The following SNTB1 variants were observed in gnomAD, a reference collection of about 807,000 sequenced individuals.
The protein encoded by SNTB1 is beta-1-syntrophin.
In SNTB1, 36 loss-of-function variants were observed where a neutral mutation model predicts 48.9. That is an observed-to-expected ratio of 0.74 (90% CI 0.56 to 0.97). The LOEUF (loss-of-function observed/expected upper bound fraction) is 0.97, where lower values mean the gene tolerates loss of function less well. Among genes scored for constraint, SNTB1 ranks in the 50% least tolerant of loss-of-function variants. The probability of loss-of-function intolerance (pLI) is 0.00; values close to 1 mark genes in which losing one functional copy is unlikely to be tolerated. For missense variants in SNTB1, 786 were observed against 703.4 expected (o/e 1.12, Z -1.33); for synonymous variants, 299 against 294.6 (o/e 1.01, Z -0.15).
At chr8:120,810,337 C>A (rs932345658) in intron 1 of SNTB1, among the ~76,000 whole-genome samples, 6 of 152,158 alleles carry the variant, frequency 3.9e-5, no homozygotes, top group Admixed American at 1.3e-4. Flanking sequence ...CTACCATATG[C>A]CCTTCTCCCC....
intron 4 of SNTB1, among the ~76,000 whole-genome samples, chr8:120,572,772 G>A (rs1342220038): frequency 3.0e-5 from 4 of 134,794 alleles, no homozygotes; most frequent in East Asian, 2.2e-4. Context: ...AAAATTAGCC[G>A]GGCGTGGTGG....
chr8:120,637,490 A>G (rs1160531445), intron 2 of SNTB1: 3 of 190,426 alleles, frequency 1.6e-5, no homozygotes, highest in Non-Finnish European at 3.3e-5. Flanking sequence ...CTCAAACATT[A>G]TCAGTTAGTC....
chr8:120,779,202 C>G (rs1032746780), intron 1 of SNTB1, among the ~76,000 whole-genome samples: 1 of 152,166 alleles, frequency 6.6e-6, no homozygotes, highest in African/African-American at 2.4e-5. Context: ...TAAAATAGCT[C>G]TGGCCAAAAA....
rs867481513 is a variant in SNTB1 at position 120,645,112 on chromosome 8, T to C, written c.789-12461A>G. The stretch of plus-strand genomic sequence containing the variant: ...CGAAAATTTTCTCCCATTTTGTAGG[T>C]TGCCTGTTCACTCTGATGGTAGTTT... On this transcript the variant is annotated intron_variant, in intron 2 of 6. Transcript: ENST00000517992. Among the ~76,000 whole-genome samples, 885 of 150,810 alleles carry C rather than the reference T, an allele frequency of 5.9e-3. 4 individuals are homozygous for C. The highest frequency in any genetic ancestry group is 9.8e-3 in the Non-Finnish European group (662 of 67,300).
chr8:120,634,352 A>G (rs373989615), intron 2 of SNTB1, among the ~76,000 whole-genome samples: 3 of 152,190 alleles, frequency 2.0e-5, no homozygotes, highest in Admixed American at 6.5e-5. Flanking sequence ...ATCATTTTAT[A>G]GTATTACATA....
intron 1 of SNTB1, among the ~76,000 whole-genome samples, chr8:120,783,599 T>C (rs1009782267): frequency 2.6e-5 from 4 of 152,200 alleles, no homozygotes; most frequent in Non-Finnish European, 5.9e-5. Flanking sequence ...GAGTCCTGGC[T>C]TTCCCCTGAA....
At chr8:120,708,617 C>A (rs1020482519) in intron 1 of SNTB1, among the ~76,000 whole-genome samples, 15 of 152,004 alleles carry the variant, frequency 9.9e-5, no homozygotes, top group South Asian at 2.1e-4. Flanking sequence ...TACAGCATGA[C>A]CAAGTTTGGA....
intron 3 of SNTB1, among the ~76,000 whole-genome samples, chr8:120,619,225 C>G (rs1398987969): frequency 6.6e-6 from 1 of 151,652 alleles, no homozygotes; most frequent in East Asian, 1.9e-4. Context: ...GAAAGGTGTT[C>G]TTATAATTTA....
chr8:120,599,479 C>G (rs1341154735), intron 3 of SNTB1, among the ~76,000 whole-genome samples: 1 of 152,064 alleles, frequency 6.6e-6, no homozygotes, highest in Non-Finnish European at 1.5e-5. Flanking sequence ...TTTATTCATG[C>G]CTCATTTCAA....
chr8:120,630,994 A>T (rs549333172), intron 3 of SNTB1, among the ~76,000 whole-genome samples: 2 of 152,324 alleles, frequency 1.3e-5, no homozygotes, highest in African/African-American at 4.8e-5. Flanking sequence ...ACATTATTTA[A>T]GTCCCTGGAT....
intron 3 of SNTB1, among the ~76,000 whole-genome samples, chr8:120,602,142 G>A (rs2130720143): frequency 6.6e-6 from 1 of 152,346 alleles, no homozygotes; most frequent in East Asian, 1.9e-4. Context: ...TGCATATGAA[G>A]ATGGAAAGCA....
Position 120,811,606 on chromosome 8 carries a change from C to G in SNTB1, c.238G>C (p.Gly80Arg), listed in dbSNP as rs1321921486. 6 of 1,579,694 alleles carry G rather than the reference C, an allele frequency of 3.8e-6. No homozygotes were observed. Among genetic ancestry groups the G allele is most frequent in the Non-Finnish European group, 5.1e-6 (6 of 1,167,222 alleles). Residue 80 changes from glycine to arginine, a missense_variant, in exon 1 of 7, where the codon GGC becomes CGC. Transcript: ENST00000517992. ...GGCGAGTCCGGGGGCTGCGCGCCGC[C>G]CGCGCCCGGGTGCCCAGCCCCGGCG... ...RGAGAGHPGA[G>R]GAQPPDSPAG...
chr8:120,676,301 A>G (rs771651103), intron 2 of SNTB1, among the ~76,000 whole-genome samples: 8 of 152,242 alleles, frequency 5.3e-5, no homozygotes, highest in African/African-American at 1.4e-4. Context: ...ATTCCCTGGT[A>G]AAACTCATCT....
rs142316884 is a variant in SNTB1, at chr8:120,758,582, A to G, written c.571+52691T>C. On this transcript the variant is annotated intron_variant, in intron 1 of 6. Coordinates refer to ENST00000517992, the MANE Select transcript of SNTB1 (RefSeq NM_021021.4). Reference sequence around the variant, plus strand: ...GTAATATACTGATGGCCCATGGACAAGATCTGCTGGGTGGATTTCACAATC... The same window carrying G: ...GTAATATACTGATGGCCCATGGACAGGATCTGCTGGGTGGATTTCACAATC... Among the ~76,000 whole-genome samples, 4 of 152,292 alleles carry G rather than the reference A, an allele frequency of 2.6e-5. No homozygotes were observed. In the South Asian group the frequency reaches 6.2e-4, roughly 24 times the overall value.
At chr8:120,593,790 T>C (rs540533907) in intron 3 of SNTB1, among the ~76,000 whole-genome samples, 3 of 152,322 alleles carry the variant, frequency 2.0e-5, no homozygotes, top group African/African-American at 7.2e-5. Context: ...ATAAATCACC[T>C]CATCTGGAAA....
At chr8:120,718,015 G>A (rs897426527) in intron 1 of SNTB1, among the ~76,000 whole-genome samples, 1 of 152,184 alleles carries the variant, frequency 6.6e-6, no homozygotes, top group African/African-American at 2.4e-5. Context: ...ATTCTTAGAG[G>A]GCTGTGCTCT....
intron 2 of SNTB1, among the ~76,000 whole-genome samples, chr8:120,648,832 A>G (rs1326781046): frequency 6.6e-6 from 1 of 152,156 alleles, no homozygotes; most frequent in Non-Finnish European, 1.5e-5. Context: ...GTCTTTTCAA[A>G]TAGTCCCATA....
chr8:120,543,232 A>G (rs373961744), intron 5 of SNTB1, among the ~76,000 whole-genome samples: 4 of 152,174 alleles, frequency 2.6e-5, no homozygotes, highest in African/African-American at 9.7e-5. Context: ...AAAGGTTATT[A>G]AGGATCAGAT....
chr8:120,804,355 T>G (rs906764348), intron 1 of SNTB1, among the ~76,000 whole-genome samples: 4 of 152,108 alleles, frequency 2.6e-5, no homozygotes, highest in Non-Finnish European at 5.9e-5. Flanking sequence ...AAGGCTAACT[T>G]GTATTGCTAA....
Sources: gnomAD v4.1 joint callset for allele counts (sites outside exome capture counted in the v4.1 genomes callset) on GRCh38, gnomAD v4.1.1 for gene constraint, MANE v1.5 for transcripts, NCBI Gene and HGNC (gene_info 2026-07-23, HGNC 2026-07-21) for gene names.